The following DIAPH3 variants were observed in gnomAD, a reference collection of about 807,000 sequenced individuals.
DIAPH3 encodes the protein diaphanous related formin 3.
A neutral mutation model predicts 144.3 loss-of-function variants in DIAPH3; 117 were observed. That is an observed-to-expected ratio of 0.81 (90% confidence interval 0.70 to 0.95). The LOEUF (loss-of-function observed/expected upper bound fraction) is 0.95. Among genes scored for constraint, DIAPH3 ranks in the 40% least tolerant of loss-of-function variants. The pLI is 0.00. For synonymous variants in DIAPH3, 519 were observed against 488.9 expected, an observed-to-expected ratio of 1.06 and a Z score of -0.81; for missense variants, 1,421 against 1,412.7, an observed-to-expected ratio of 1.01 and a Z score of -0.09.
rs2051866584 is a variant in DIAPH3, at chr13:59,992,189, A to G, written c.1126-3T>C. 2 of 1,595,352 alleles carry G rather than the reference A, an allele frequency of 1.3e-6. No homozygotes were observed. Among genetic ancestry groups the G allele is most frequent in the Non-Finnish European group, 1.7e-6 (2 of 1,164,288 alleles). ...TCATTCTTAATGCATTTTAAATTCT[A>G]GAGATATGAAATAGAAATTATGATG... On this transcript the variant is annotated splice_region_variant and splice_polypyrimidine_tract_variant and intron_variant, in intron 10 of 27. Coordinates refer to ENST00000400324, the MANE Select transcript of DIAPH3 (RefSeq NM_001042517.2).
chr13:60,031,140 G>T (rs2818953), intron 5 of DIAPH3, among the ~76,000 whole-genome samples: 34,301 of 152,080 alleles, frequency 0.23, 4,044 homozygotes, highest in South Asian at 0.27. Flanking sequence ...CTTCTGGGAA[G>T]GCCTTAAGAA....
At position 59,696,491 on chromosome 13, in the gene DIAPH3, G is replaced by A. The variant is rs536653400; in HGVS notation, c.3320-29645C>T. ...TATATAGTGCTATGCATCCCATTAC[G>A]GTGGGTTCATTCATATTTATACAGT... On this transcript the variant is annotated intron_variant, in intron 27 of 27. Coordinates refer to ENST00000400324, the MANE Select transcript of DIAPH3 (RefSeq NM_001042517.2). Among the ~76,000 whole-genome samples, 34 of 152,170 alleles carry A rather than the reference G, an allele frequency of 2.2e-4. 1 individual carries two copies. The highest frequency in any genetic ancestry group is 1.5e-3 in the East Asian group (8 of 5,180).
chr13:60,064,376 T>A lies in DIAPH3; in HGVS notation c.496-21556A>T, dbSNP rs535456450. Among the ~76,000 whole-genome samples the A allele has an allele frequency of 9.2e-5, 14 of 152,338 alleles. No homozygotes were observed. In the South Asian group the frequency reaches 2.5e-3, roughly 27 times the overall value. ...CTGTTGTTTAGTGTAGCCACCCTCA[T>A]CAATGATCTTAGTTACACCTTCTGG... On this transcript the variant is annotated intron_variant, in intron 4 of 27. Coordinates refer to ENST00000400324, the MANE Select transcript of DIAPH3 (RefSeq NM_001042517.2).
At chr13:59,922,089 T>C (rs2047546963) in intron 18 of DIAPH3, among the ~76,000 whole-genome samples, 1 of 152,008 alleles carries the variant, frequency 6.6e-6, no homozygotes, top group African/African-American at 2.4e-5. Flanking sequence ...ATGACAAACA[T>C]ACAGCTATCA....
chr13:60,141,301 A>C (rs1247354759), intron 1 of DIAPH3, among the ~76,000 whole-genome samples: 1 of 149,740 alleles, frequency 6.7e-6, no homozygotes, highest in Non-Finnish European at 1.5e-5. Context: ...AGCAAGACCT[A>C]GTCTCATAAT....
At chr13:59,793,535 T>C (rs2039430377) in intron 25 of DIAPH3, among the ~76,000 whole-genome samples, 1 of 152,192 alleles carries the variant, frequency 6.6e-6, no homozygotes, top group African/African-American at 2.4e-5. Context: ...TGACTACCCA[T>C]TCCTTTTTGA....
intron 17 of DIAPH3, among the ~76,000 whole-genome samples, chr13:59,940,369 TA>T (rs756455044): frequency 1.6e-4 from 25 of 152,162 alleles, no homozygotes; most frequent in Non-Finnish European, 3.2e-4. Context: ...AAACTATCTT[TA>T]AATGCTTCAT....
intron 27 of DIAPH3, among the ~76,000 whole-genome samples, chr13:59,745,888 T>C (rs941412849): frequency 5.9e-5 from 9 of 152,362 alleles, no homozygotes; most frequent in Middle Eastern, 3.4e-3. Flanking sequence ...TTTTCACTAA[T>C]ATTGAAAATA....
intron 21 of DIAPH3, among the ~76,000 whole-genome samples, chr13:59,870,265 T>A (rs1411258797): frequency 6.6e-6 from 1 of 152,130 alleles, no homozygotes; most frequent in Non-Finnish European, 1.5e-5. Flanking sequence ...CAAAATCAAC[T>A]GACTATATTT....
intron 27 of DIAPH3, among the ~76,000 whole-genome samples, chr13:59,724,932 C>G (rs540660228): frequency 1.2e-3 from 186 of 152,214 alleles, no homozygotes; most frequent in African/African-American, 4.1e-3. Flanking sequence ...AAAAGCTATT[C>G]TAGAGTTTCA....
At chr13:59,927,813 C>T (rs1020339778) in intron 17 of DIAPH3, among the ~76,000 whole-genome samples, 2 of 152,158 alleles carry the variant, frequency 1.3e-5, no homozygotes, top group African/African-American at 4.8e-5. Context: ...TTTTATAAAT[C>T]ACTCTTTGCC....
At chr13:60,117,548 C>T (rs2058732777) in intron 2 of DIAPH3, among the ~76,000 whole-genome samples, 2 of 152,204 alleles carry the variant, frequency 1.3e-5, no homozygotes, top group South Asian at 2.1e-4. Flanking sequence ...CAGGTAGATT[C>T]TACAAAATCT....
At chr13:59,863,780 G>GTT (rs1376212064) in intron 21 of DIAPH3, among the ~76,000 whole-genome samples, 1 of 152,116 alleles carries the variant, frequency 6.6e-6, no homozygotes, top group Non-Finnish European at 1.5e-5. Context: ...ACAACATAGA[G>GTT]CTGAGTGTTT....
chr13:60,136,369 C>A (rs1328107994), intron 1 of DIAPH3, among the ~76,000 whole-genome samples: 1 of 150,094 alleles, frequency 6.7e-6, no homozygotes, highest in Non-Finnish European at 1.5e-5. Flanking sequence ...GACATCTACT[C>A]CAAAAAGGAA....
At chr13:60,092,133 A>G (rs1175066617) in intron 4 of DIAPH3, among the ~76,000 whole-genome samples, 2 of 152,030 alleles carry the variant, frequency 1.3e-5, no homozygotes, top group Non-Finnish European at 2.9e-5. Context: ...AACTCTGATA[A>G]TGAGTCCACT....
intron 20 of DIAPH3, among the ~76,000 whole-genome samples, chr13:59,897,592 C>A (rs536867750): frequency 4.7e-5 from 7 of 149,060 alleles, no homozygotes; most frequent in Non-Finnish European, 8.9e-5. Flanking sequence ...TACTAAAAAT[C>A]CAAAAATTAG....
At chr13:59,777,899 C>T (rs539206852) in intron 25 of DIAPH3, among the ~76,000 whole-genome samples, 5 of 152,162 alleles carry the variant, frequency 3.3e-5, no homozygotes, top group Non-Finnish European at 7.4e-5. Context: ...CTGATTAACC[C>T]CTGAATTGAA....
At chr13:59,818,580 C>A (rs2040903921) in intron 24 of DIAPH3, among the ~76,000 whole-genome samples, 1 of 151,642 alleles carries the variant, frequency 6.6e-6, no homozygotes, top group African/African-American at 2.4e-5. Flanking sequence ...ATTTCCTATT[C>A]TATGGATTGC....
chr13:59,945,821 T>G (rs1388156108), intron 17 of DIAPH3, among the ~76,000 whole-genome samples: 1 of 152,138 alleles, frequency 6.6e-6, no homozygotes, highest in African/African-American at 2.4e-5. Context: ...CCTTCATGAC[T>G]CAAGGTTAAT....
Sources: allele counts gnomAD v4.1 joint callset (sites outside exome capture counted in the v4.1 genomes callset), GRCh38; gene constraint gnomAD v4.1.1; transcripts MANE v1.5; gene names NCBI Gene and HGNC (gene_info 2026-07-23, HGNC 2026-07-21).